PGPEP1L: variants seen among roughly 807,000 people sequenced by gnomAD.
The protein encoded by PGPEP1L is pyroglutamyl-peptidase 1-like protein.
Under a neutral mutation model 6.0 loss-of-function variants are expected in PGPEP1L, and 7 were observed. The observed-to-expected ratio is 1.17, with a 90% confidence interval of 0.66 to 2.19. PGPEP1L has a LOEUF of 2.19. Among genes scored for constraint, PGPEP1L ranks in the 30% most tolerant of loss-of-function variants. The pLI, the probability that PGPEP1L is intolerant of heterozygous loss-of-function variation, is 0.00. For synonymous variants in PGPEP1L, 103 were observed against 83.9 expected, an observed-to-expected ratio of 1.23 and a Z score of -1.24; for missense variants, 209 against 192.5, an observed-to-expected ratio of 1.09 and a Z score of -0.51.
intron 2 of PGPEP1L, among the ~76,000 whole-genome samples, chr15:98,978,726 A>ATTTT (rs57804945): frequency 4.7e-5 from 4 of 85,248 alleles, no homozygotes; most frequent in African/African-American, 1.0e-4. Context: ...ATATATATAT[A>ATTTT]TTTTTTTTTT....
At chr15:98,993,397 A>G (rs1417299142) in intron 2 of PGPEP1L, among the ~76,000 whole-genome samples, 1 of 152,254 alleles carries the variant, frequency 6.6e-6, no homozygotes, top group Admixed American at 6.5e-5. Context: ...CCACAATGAG[A>G]TATCATCTCA....
chr15:98,978,225 A>T (rs2017597373), intron 2 of PGPEP1L, among the ~76,000 whole-genome samples: 1 of 152,250 alleles, frequency 6.6e-6, no homozygotes, highest in South Asian at 2.1e-4. Context: ...CCCTGATGAA[A>T]GAGAAGGCGC....
In PGPEP1L at chr15:98,982,484, TAC is replaced by T. The variant is rs529425236; in HGVS notation, c.-141-11328_-141-11327del. On this transcript the variant is annotated intron_variant, in intron 2 of 4. Transcript: ENST00000535714. ...CCCACTAACAAGGTGGGGCTCACAC[TAC>T]AGTCACCAGACTGAAAAAAGGAGGT... Among the ~76,000 whole-genome samples the T allele has an allele frequency of 5.5e-4, 84 of 152,266 alleles. 2 individuals carry two copies. The South Asian group carries it at 0.016, about 29-fold the overall frequency.
intron 2 of PGPEP1L, among the ~76,000 whole-genome samples, chr15:98,975,867 C>A (rs567611563): frequency 6.6e-6 from 1 of 151,612 alleles, no homozygotes; most frequent in Non-Finnish European, 1.5e-5. Context: ...GGCGACAGAG[C>A]GAGACTCTGT....
Position 98,969,602 on chromosome 15 carries a change from T to TC in PGPEP1L, c.31dup (p.Glu11GlyfsTer64). 6.2e-7 allele frequency: 1 copy of TC among 1,613,500 alleles called. No homozygotes were observed. The highest frequency in any genetic ancestry group is 8.5e-7 in the Non-Finnish European group (1 of 1,179,872). On this transcript the variant is annotated frameshift_variant, in exon 4 of 5. Transcript: ENST00000535714. LOFTEE classifies it high-confidence loss of function. ...GTAGCCTTGGTTCTTGCCAGACTGTTCCAGAATGATCGCCTTGGCGGCGGT... is the reference window on the plus strand; with the variant it reads ...GTAGCCTTGGTTCTTGCCAGACTGTTCCCAGAATGATCGCCTTGGCGGCGGT...
At chr15:98,976,390 G>T (rs1393435547) in intron 2 of PGPEP1L, among the ~76,000 whole-genome samples, 6 of 152,250 alleles carry the variant, frequency 3.9e-5, no homozygotes, top group African/African-American at 1.4e-4. Context: ...TAATTAAGTT[G>T]GGATTTTAAC....
intron 2 of PGPEP1L, among the ~76,000 whole-genome samples, chr15:99,004,632 C>T (rs369495189): frequency 1.3e-5 from 2 of 152,040 alleles, no homozygotes; most frequent in Admixed American, 6.6e-5. Context: ...GCAGGAGAAT[C>T]GCTTGAACCC....
At chr15:98,981,568 A>G (rs1391485382) in intron 2 of PGPEP1L, among the ~76,000 whole-genome samples, 1 of 152,100 alleles carries the variant, frequency 6.6e-6, no homozygotes, top group Non-Finnish European at 1.5e-5. Flanking sequence ...CACAGCCAAG[A>G]CAAGCCTACG....
At chr15:99,002,319 AATG>A (rs797029436) in intron 2 of PGPEP1L, among the ~76,000 whole-genome samples, 15 of 152,286 alleles carry the variant, frequency 9.8e-5, no homozygotes, top group East Asian at 5.8e-4. Flanking sequence ...TGTAAAATAA[AATG>A]ATTATACAGA....
intron 2 of PGPEP1L, among the ~76,000 whole-genome samples, chr15:98,986,240 G>GC (rs782444619): frequency 6.6e-6 from 1 of 152,192 alleles, no homozygotes; most frequent in Non-Finnish European, 1.5e-5. Flanking sequence ...ACTCATGTGG[G>GC]CCCCTAAATA....
At chr15:99,002,526 A>G (rs1463919671) in intron 2 of PGPEP1L, among the ~76,000 whole-genome samples, 3 of 152,220 alleles carry the variant, frequency 2.0e-5, no homozygotes, top group African/African-American at 7.2e-5. Context: ...CAAATTTTGA[A>G]TTATACCAAT....
At chr15:98,984,009 C>CTTTTTTTTTTTTTTTTT (rs71456904) in intron 2 of PGPEP1L, among the ~76,000 whole-genome samples, 13 of 115,780 alleles carry the variant, frequency 1.1e-4, no homozygotes, top group Admixed American at 1.8e-4. Context: ...AGTAAGTAGT[C>CTTTTTTTTTTTTTTTTT]TTTTTTTTTT....
At chr15:98,987,200 G>C (rs1338638819) in intron 2 of PGPEP1L, among the ~76,000 whole-genome samples, 1 of 117,522 alleles carries the variant, frequency 8.5e-6, no homozygotes, top group African/African-American at 3.9e-5. Flanking sequence ...AAAAAAGAGA[G>C]CCAATTTAAT....
chr15:98,994,322 G>T (rs2017858831), intron 2 of PGPEP1L, among the ~76,000 whole-genome samples: 2 of 151,852 alleles, frequency 1.3e-5, no homozygotes, highest in South Asian at 4.1e-4. Context: ...AGCTTTCATT[G>T]TCTTACATTT....
At chr15:98,974,544 C>G (rs1022810668) in intron 2 of PGPEP1L, among the ~76,000 whole-genome samples, 3 of 152,210 alleles carry the variant, frequency 2.0e-5, no homozygotes, top group Non-Finnish European at 4.4e-5. Flanking sequence ...GATGGCTTCA[C>G]TGCTGAATTC....
chr15:98,997,752 A>G (rs1404716803), intron 2 of PGPEP1L, among the ~76,000 whole-genome samples: 2 of 152,124 alleles, frequency 1.3e-5, no homozygotes, highest in Non-Finnish European at 2.9e-5. Context: ...CATTTCATGA[A>G]TGAGAAAACT....
At chr15:98,988,471 A>G (rs1200872071) in intron 2 of PGPEP1L, among the ~76,000 whole-genome samples, 1 of 152,186 alleles carries the variant, frequency 6.6e-6, no homozygotes, top group Non-Finnish European at 1.5e-5. Flanking sequence ...GCATCTCTGA[A>G]AAAAAGGCAG....
intron 2 of PGPEP1L, among the ~76,000 whole-genome samples, chr15:98,974,102 TG>T (rs912491205): frequency 6.6e-6 from 1 of 152,178 alleles, no homozygotes; most frequent in Non-Finnish European, 1.5e-5. Context: ...AGAAATAGGC[TG>T]GGCACAGTGG....
At chr15:98,969,673 G>A (rs775022883) in intron 3 of PGPEP1L, 22 bp from the exon 4 acceptor site, 3 of 1,604,192 alleles carry the variant, frequency 1.9e-6, no homozygotes, top group Non-Finnish European at 2.5e-6. Context: ...GGTAACAGCA[G>A]AGAGAACCCA....
Sources: allele counts gnomAD v4.1 joint callset (sites outside exome capture counted in the v4.1 genomes callset), GRCh38; gene constraint gnomAD v4.1.1; transcripts MANE v1.5; gene names NCBI Gene and HGNC (gene_info 2026-07-23, HGNC 2026-07-21).